RICTOR: variants seen among roughly 807,000 people sequenced by gnomAD.
RICTOR encodes RPTOR independent companion of MTOR complex 2, also known as rapamycin-insensitive companion of mTOR.
In RICTOR, 49 loss-of-function variants were observed where a neutral mutation model predicts 214.9. The ratio of observed to expected loss-of-function variants is 0.23; its 90% CI spans 0.18 to 0.29. The LOEUF (loss-of-function observed/expected upper bound fraction) is 0.29. Among genes scored for constraint, RICTOR ranks in the 10% least tolerant of loss-of-function variants. The pLI, the probability that RICTOR is intolerant of heterozygous loss-of-function variation, is 1.00. For missense variants in RICTOR, 1,625 were observed against 2,047.0 expected, an observed-to-expected ratio of 0.79 and a Z score of 3.98; for synonymous variants, 717 against 711.3, an observed-to-expected ratio of 1.01 and a Z score of -0.13.
intron 3 of RICTOR, among the ~76,000 whole-genome samples, chr5:39,018,994 GA>G (rs1755183085): frequency 6.6e-6 from 1 of 152,200 alleles, no homozygotes; most frequent in Non-Finnish European, 1.5e-5. Flanking sequence ...ACTGCTGATA[GA>G]AAGTTTTAGT....
chr5:38,989,149 T>C (rs1267767495), intron 7 of RICTOR, among the ~76,000 whole-genome samples: 2 of 152,164 alleles, frequency 1.3e-5, no homozygotes, highest in African/African-American at 4.8e-5. Context: ...AGCACGGTAC[T>C]GGTACCAAAA....
intron 2 of RICTOR, among the ~76,000 whole-genome samples, chr5:39,066,269 C>A (rs1463630900): frequency 2.0e-5 from 3 of 152,238 alleles, no homozygotes; most frequent in Admixed American, 6.5e-5. Flanking sequence ...TGTACCTGGG[C>A]CCCTTTGAAC....
chr5:39,028,033 G>A (rs1209744848), intron 2 of RICTOR, among the ~76,000 whole-genome samples: 4 of 152,046 alleles, frequency 2.6e-5, no homozygotes, highest in Admixed American at 2.0e-4. Context: ...CAAAAAGTAT[G>A]AGAAAAGGTG....
At chr5:39,008,416 T>A (rs543217381) in intron 3 of RICTOR, among the ~76,000 whole-genome samples, 6 of 151,954 alleles carry the variant, frequency 3.9e-5, no homozygotes, top group Admixed American at 3.9e-4. Context: ...CTTAGAGAGG[T>A]TAATATGACT....
chr5:38,969,587 A>T (rs1187516412), intron 11 of RICTOR: 1 of 151,826 alleles, frequency 6.6e-6, no homozygotes, highest in Non-Finnish European at 1.5e-5. Context: ...CACTTCTCAC[A>T]CATTGACTCA....
At chr5:39,020,318 G>A (rs921994172) in intron 3 of RICTOR, among the ~76,000 whole-genome samples, 10 of 152,162 alleles carry the variant, frequency 6.6e-5, no homozygotes, top group Non-Finnish European at 1.2e-4. Flanking sequence ...ATGCTACGGA[G>A]AAATCTTTCG....
chr5:39,017,955 ATACTGATGAACT>A (rs754544714), intron 3 of RICTOR, among the ~76,000 whole-genome samples: 2 of 152,168 alleles, frequency 1.3e-5, no homozygotes, highest in Non-Finnish European at 2.9e-5. Context: ...GGCGATACCA[ATACTGATGAACT>A]GTGGATCATA....
chr5:39,073,656 G>C (rs978425588), intron 2 of RICTOR, among the ~76,000 whole-genome samples: 1 of 152,216 alleles, frequency 6.6e-6, no homozygotes, highest in Non-Finnish European at 1.5e-5. Flanking sequence ...GGCAAGCACC[G>C]AGCAGGTCCG....
Position 39,002,656 on chromosome 5 carries a change from C to G in RICTOR, c.271G>C (p.Ala91Pro). Residue 91 changes from alanine (A) to proline (P), a missense_variant, in exon 5 of 38, where the codon GCT becomes CCT. Transcript: ENST00000357387. ...ACTTCTTTTGCTTCATTTAATAAAG[C>G]TAACCGCAAACTGTATGAAAACAAA... ...YEDIIICLRL[A>P]LLNEAKEVRA... 1 of 1,606,170 alleles carries G rather than the reference C, an allele frequency of 6.2e-7. No homozygotes were observed. The highest frequency in any genetic ancestry group is 8.5e-7 in the Non-Finnish European group (1 of 1,177,504).
At chr5:38,957,423 G>A (rs751818897) in intron 25 of RICTOR, among the ~76,000 whole-genome samples, 1 of 151,996 alleles carries the variant, frequency 6.6e-6, no homozygotes, top group Non-Finnish European at 1.5e-5. Context: ...TCAATAGAAC[G>A]AATACAGTCA....
chr5:39,057,819 C>G (rs777051300), intron 2 of RICTOR, among the ~76,000 whole-genome samples: 19 of 152,000 alleles, frequency 1.3e-4, no homozygotes, highest in Non-Finnish European at 2.5e-4. Context: ...TTCCACACTT[C>G]CAAAGAGTGT....
intron 10 of RICTOR, 22 bp downstream of exon 10, chr5:38,975,515 A>G: frequency 6.4e-7 from 1 of 1,559,962 alleles, no homozygotes; most frequent in Non-Finnish European, 8.8e-7. Context: ...TGGATGTTAT[A>G]AAGCAATGTA....
At chr5:38,949,514 G>T in intron 31 of RICTOR, 198 bp downstream of exon 31, 1 of 1,258,210 alleles carries the variant, frequency 7.9e-7, no homozygotes, top group Non-Finnish European at 1.1e-6. Context: ...GGGCCTATAG[G>T]ATTTTCTTCC....
intron 26 of RICTOR, 45 bp from the exon 27 acceptor site, chr5:38,954,906 T>A: frequency 1.1e-6 from 1 of 918,328 alleles, no homozygotes; most frequent in Non-Finnish European, 1.7e-6. Flanking sequence ...CTAATTTAAA[T>A]ATGCTAATTA....
At chr5:38,987,933 T>G (rs1446319934) in intron 7 of RICTOR, among the ~76,000 whole-genome samples, 1 of 152,166 alleles carries the variant, frequency 6.6e-6, no homozygotes, top group Non-Finnish European at 1.5e-5. Context: ...TTCAAAGAAC[T>G]TATTAATTTC....
Position 38,962,988 on chromosome 5 carries a change from C to T in RICTOR, c.1454G>A (p.Arg485Gln), listed in dbSNP as rs1014232369. The T allele has an allele frequency of 3.1e-6, 5 of 1,612,664 alleles. No homozygotes were observed. Among genetic ancestry groups the T allele is most frequent in the Admixed American group, 3.3e-5 (2 of 59,944 alleles). The change falls in exon 17 of 38, where the codon CGA (arginine) becomes CAA (glutamine). Residue 485 changes from arginine (R) to glutamine (Q), a missense_variant. Arg to Gln is a conservative substitution (Grantham distance 43, BLOSUM62 1). Transcript: ENST00000357387. ...CLKRFHEMKK[R>Q]GPKPYSLHLD... is the part of the protein sequence containing the mutation. Reference sequence around the variant, plus strand: ...ATGAAGACTATAAGGCTTAGGTCCTCGTTTCTTCATTTCATGGAAGCGTTT... The same window carrying T: ...ATGAAGACTATAAGGCTTAGGTCCTTGTTTCTTCATTTCATGGAAGCGTTT...
At chr5:39,046,566 T>G (rs1757519077) in intron 2 of RICTOR, among the ~76,000 whole-genome samples, 1 of 151,992 alleles carries the variant, frequency 6.6e-6, no homozygotes, top group Non-Finnish European at 1.5e-5. Flanking sequence ...AAGCTTACCA[T>G]TTGCCTAATT....
chr5:38,944,175 G>C (rs147798477), intron 36 of RICTOR: 6 of 525,062 alleles, frequency 1.1e-5, no homozygotes, highest in Admixed American at 4.5e-5. Context: ...AGTGAGAAGA[G>C]TGGCATTATT....
chr5:39,012,964 T>C (rs1427654040), intron 3 of RICTOR, among the ~76,000 whole-genome samples: 1 of 152,150 alleles, frequency 6.6e-6, no homozygotes, highest in Non-Finnish European at 1.5e-5. Flanking sequence ...GGATGATGTA[T>C]TTTATCTTAG....
Sources: allele counts gnomAD v4.1 joint callset (sites outside exome capture counted in the v4.1 genomes callset), GRCh38; gene constraint gnomAD v4.1.1; transcripts MANE v1.5; gene names NCBI Gene and HGNC (gene_info 2026-07-23, HGNC 2026-07-21).